Variants in CACNA1D observed in about 807,000 individuals in gnomAD.
CACNA1D encodes the protein voltage-dependent L-type calcium channel subunit alpha-1D.
In CACNA1D, 55 loss-of-function variants were observed where a neutral mutation model predicts 257.1. The observed-to-expected ratio is 0.21, with a 90% CI of 0.17 to 0.27. The LOEUF (loss-of-function observed/expected upper bound fraction) is 0.27, where lower values mean the gene tolerates loss of function less well. Ranked by LOEUF, CACNA1D falls within the 10% of genes least tolerant of loss-of-function variation. The pLI, the probability that CACNA1D is intolerant of heterozygous loss-of-function variation, is 1.00. For synonymous variants in CACNA1D, 980 were observed against 1,014.9 expected (o/e 0.97, Z 0.65); for missense variants, 1,876 against 2,784.0 (o/e 0.67, Z 7.34).
intron 46 of CACNA1D, 29 bp downstream of exon 46, chr3:53,808,799 C>T: frequency 3.1e-6 from 5 of 1,600,086 alleles, no homozygotes; most frequent in Non-Finnish European, 4.2e-6. Context: ...CTTGCCCCCA[C>T]ACCTAGGGGC....
chr3:53,787,051 C>A, intron 40 of CACNA1D, 99 bp downstream of exon 40: 1 of 1,314,466 alleles, frequency 7.6e-7, no homozygotes, highest in Non-Finnish European at 1.1e-6. Flanking sequence ...AGCAGTACCA[C>A]AAGGATTTTG....
chr3:53,747,939 A>C (rs1361686553), intron 26 of CACNA1D, among the ~76,000 whole-genome samples: 1 of 152,178 alleles, frequency 6.6e-6, no homozygotes, highest in Admixed American at 6.5e-5. Context: ...AAAAATGTCT[A>C]ACTGGGCTCT....
intron 3 of CACNA1D, among the ~76,000 whole-genome samples, chr3:53,533,993 T>G (rs938383570): frequency 2.0e-4 from 30 of 152,328 alleles, no homozygotes; most frequent in African/African-American, 6.5e-4. Context: ...AGACTCATAG[T>G]AGTGGGTGTA....
chr3:53,787,767 AG>A (rs1472880933), intron 40 of CACNA1D, among the ~76,000 whole-genome samples: 2 of 152,264 alleles, frequency 1.3e-5, no homozygotes, highest in Admixed American at 1.3e-4. Context: ...GTGGTCTGTG[AG>A]TGCCGTGGAT....
At chr3:53,595,502 A>G (rs938101882) in intron 3 of CACNA1D, among the ~76,000 whole-genome samples, 3 of 152,148 alleles carry the variant, frequency 2.0e-5, no homozygotes, top group Non-Finnish European at 2.9e-5. Context: ...AGGAGGAGAC[A>G]TCCATTTGTC....
In CACNA1D at chr3:53,626,057, T is replaced by G. The variant is rs145180547; in HGVS notation, c.484-24722T>G. On this transcript the variant is annotated intron_variant, in intron 3 of 47. Coordinates refer to ENST00000350061, the MANE Select transcript of CACNA1D (RefSeq NM_001128840.3). ...TTAGATTAGCTTAGAAGCTGGAAAC[T>G]GGCCAACGAAATGCACAGAATTGCT... 4.6e-5 allele frequency among the ~76,000 whole-genome samples: 7 copies of G among 152,342 alleles called. No individual in the cohort carries two copies. In the East Asian group the frequency reaches 1.3e-3, roughly 29 times the overall value.
rs1475833890 is a variant in CACNA1D, at chr3:53,495,266, A to C, written c.67+33A>C. ...GCCAGAGCCCGGGCACCCGCTGCCAAATCCGATCCTGTCATGGTCCTCCAG... is the reference window on the plus strand; with the variant it reads ...GCCAGAGCCCGGGCACCCGCTGCCACATCCGATCCTGTCATGGTCCTCCAG... On this transcript the variant is annotated intron_variant, in intron 1 of 47. Transcript: ENST00000350061. The surrounding 1 kb of genome is among the most constrained non-coding windows in gnomAD (Gnocchi z 5.1). 6.2e-7 allele frequency: 1 copy of C among 1,612,166 alleles called. No homozygotes were observed. The highest frequency in any genetic ancestry group is 1.3e-5 in the African/African-American group (1 of 74,830).
chr3:53,567,644 T>C (rs1489266157), intron 3 of CACNA1D, among the ~76,000 whole-genome samples: 1 of 152,206 alleles, frequency 6.6e-6, no homozygotes, highest in Non-Finnish European at 1.5e-5. Context: ...GCAGACAACA[T>C]AGCCACTCAC....
intron 29 of CACNA1D, among the ~76,000 whole-genome samples, chr3:53,758,116 T>C (rs2095277276): frequency 6.6e-6 from 1 of 152,208 alleles, no homozygotes; most frequent in Non-Finnish European, 1.5e-5. Flanking sequence ...CATGAGACGA[T>C]ACCTGCTTTT....
chr3:53,808,922 A>G, intron 46 of CACNA1D, 152 bp downstream of exon 46: 1 of 788,926 alleles, frequency 1.3e-6, no homozygotes, highest in South Asian at 1.7e-5. Context: ...AATCCTGTCA[A>G]ATAGCTATGG....
At chr3:53,537,073 C>T (rs1170180760) in intron 3 of CACNA1D, among the ~76,000 whole-genome samples, 1 of 152,184 alleles carries the variant, frequency 6.6e-6, no homozygotes, top group African/African-American at 2.4e-5. Flanking sequence ...TTAAAATGCA[C>T]ATGCTAATTT....
rs961559571 is a variant in CACNA1D, at chr3:53,811,051, G to A, written c.6193-62G>A. On this transcript the variant is annotated intron_variant, in intron 47 of 47. Transcript: ENST00000350061. The surrounding 1 kb of genome is among the most constrained non-coding windows in gnomAD (Gnocchi z 4.2). ...TAGCACTGGAGTTGATTTTTCTGTC[G>A]TCCCCCTGCCCTGCAAAGCCTTATA... 36 of 1,343,922 alleles carry A rather than the reference G, an allele frequency of 2.7e-5. No homozygotes were observed. The highest frequency in any genetic ancestry group is 1.2e-4 in the Admixed American group (7 of 59,460). The allele number at this position is 1,343,922 out of a possible 1,614,324, so 83.2% of individuals were successfully genotyped here. A position where few individuals can be genotyped will look rare whatever the true frequency, so the allele number is the denominator to read the frequency against.
rs1256638260 is a variant in CACNA1D, at chr3:53,755,232, C to T, written c.3786+1550C>T. 2.0e-5 allele frequency among the ~76,000 whole-genome samples: 3 copies of T among 152,184 alleles called. No individual in the cohort carries two copies. The East Asian group carries it at 5.8e-4, about 29-fold the overall frequency. ...GTGGAACATTTCCCAGATACCTGGG[C>T]CATGTCTTCCCTTGCCAGATGATTA... is the stretch of plus-strand genomic sequence containing the variant. On this transcript the variant is annotated intron_variant, in intron 29 of 47. Transcript: ENST00000350061.
At position 53,751,089 on chromosome 3, in the gene CACNA1D, A is replaced by G. The variant is rs2095221654; in HGVS notation, c.3517-660A>G. Among the ~76,000 whole-genome samples, 5 of 152,154 alleles carry G rather than the reference A, an allele frequency of 3.3e-5. No homozygotes were observed. The South Asian group carries it at 8.3e-4, about 25-fold the overall frequency. ...CAATCCAGCTGTCACTACTGACCAC[A>G]TCCTAGGGATTCTGAAATGAACACA... On this transcript the variant is annotated intron_variant, in intron 27 of 47. Transcript: ENST00000350061. This position sits in a 1 kb window ranked among gnomAD's most constrained non-coding sequence, Gnocchi z 4.3.
chr3:53,511,406 G>T (rs1216125497), intron 3 of CACNA1D, among the ~76,000 whole-genome samples: 1 of 152,116 alleles, frequency 6.6e-6, no homozygotes, highest in Non-Finnish European at 1.5e-5. Context: ...TTCGACAAAG[G>T]GAAGCAGCCA....
intron 8 of CACNA1D, among the ~76,000 whole-genome samples, chr3:53,680,901 G>C (rs1054882365): frequency 2.0e-5 from 3 of 152,218 alleles, no homozygotes; most frequent in Non-Finnish European, 4.4e-5. Flanking sequence ...TTGCAGGGCA[G>C]CTTGGTATAC....
intron 3 of CACNA1D, among the ~76,000 whole-genome samples, chr3:53,501,966 A>T (rs1356893854): frequency 6.6e-6 from 1 of 152,076 alleles, no homozygotes; most frequent in Admixed American, 6.5e-5. Flanking sequence ...TATGGAAGAG[A>T]TTTGGAGCAG....
chr3:53,645,385 C>T (rs1298047531), intron 3 of CACNA1D, among the ~76,000 whole-genome samples: 1 of 152,186 alleles, frequency 6.6e-6, no homozygotes, highest in African/African-American at 2.4e-5. Context: ...TCTCAAAAAT[C>T]TTTGCCCTGT....
chr3:53,741,054 A>G (rs757953143), intron 21 of CACNA1D, among the ~76,000 whole-genome samples: 37 of 152,334 alleles, frequency 2.4e-4, no homozygotes, highest in Middle Eastern at 6.8e-3. Flanking sequence ...TGTACTGCCC[A>G]TGCATGAGCT....
Sources: allele counts gnomAD v4.1 joint callset (sites outside exome capture counted in the v4.1 genomes callset), GRCh38; gene constraint gnomAD v4.1.1; non-coding constraint Gnocchi (gnomAD v3.1); transcripts MANE v1.5; gene names NCBI Gene and HGNC (gene_info 2026-07-23, HGNC 2026-07-21).